The following AP3D1 variants were observed in gnomAD, a reference collection of about 807,000 sequenced individuals.
The protein encoded by AP3D1 is adaptor related protein complex 3 subunit delta 1.
AP3D1 carries 51 observed loss-of-function variants against 147.6 expected under a neutral mutation model. The observed-to-expected ratio is 0.35, with a 90% CI of 0.28 to 0.44. The LOEUF is 0.44. Among genes scored for constraint, AP3D1 ranks in the 20% least tolerant of loss-of-function variants. AP3D1 has a pLI of 1.00. For missense variants in AP3D1, 1,421 were observed against 1,624.2 expected, an observed-to-expected ratio of 0.87 and a Z score of 2.15; for synonymous variants, 760 against 663.0, an observed-to-expected ratio of 1.15 and a Z score of -2.25.
intron 1 of AP3D1, among the ~76,000 whole-genome samples, chr19:2,158,868 A>G (rs2019670877): frequency 6.6e-6 from 1 of 152,194 alleles, no homozygotes; most frequent in Non-Finnish European, 1.5e-5. Flanking sequence ...TTTCAAAGTT[A>G]AACTATAAAC....
chr19:2,118,574 G>T (rs777273893), intron 15 of AP3D1, 27 bp downstream of exon 15: 17 of 1,584,534 alleles, frequency 1.1e-5, no homozygotes, highest in Non-Finnish European at 1.5e-5. Context: ...CCTGAGGCTC[G>T]GCCCAACACG....
At chr19:2,149,502 C>T (rs2019448908) in intron 1 of AP3D1, among the ~76,000 whole-genome samples, 2 of 149,976 alleles carry the variant, frequency 1.3e-5, no homozygotes, top group South Asian at 2.1e-4. Context: ...AAGATCATGC[C>T]TCTGCACTCC....
At chr19:2,128,491 C>G (rs2018829745) in intron 8 of AP3D1, among the ~76,000 whole-genome samples, 1 of 132,264 alleles carries the variant, frequency 7.6e-6, no homozygotes, top group Admixed American at 7.3e-5. Context: ...GACACTGCAC[C>G]CCGTGGAGCC....
chr19:2,123,108 C>G (rs1005702807), intron 11 of AP3D1, among the ~76,000 whole-genome samples: 4 of 152,246 alleles, frequency 2.6e-5, no homozygotes, highest in African/African-American at 9.6e-5. Flanking sequence ...CTTTGCCATG[C>G]CCCCTGCATC....
At chr19:2,135,974 C>T (rs905425229) in intron 4 of AP3D1, among the ~76,000 whole-genome samples, 1 of 151,524 alleles carries the variant, frequency 6.6e-6, no homozygotes, top group Non-Finnish European at 1.5e-5. Context: ...TACACGGCCA[C>T]GACCCAAGGA....
In AP3D1 at chr19:2,129,466, C is replaced by T. The variant is rs371132524; in HGVS notation, c.593-9G>A. On this transcript the variant is annotated splice_polypyrimidine_tract_variant and intron_variant, in intron 6 of 31. Transcript: ENST00000643116. ...GGCAGCCGACTGAACCCCTGGGGAA[C>T]AAGGGGTTCTCATCAGCATGCCTGT... 3 of 1,612,456 alleles carry T rather than the reference C, an allele frequency of 1.9e-6. No individual in the cohort carries two copies. The highest frequency in any genetic ancestry group is 2.5e-6 in the Non-Finnish European group (3 of 1,178,984).
intron 1 of AP3D1, among the ~76,000 whole-genome samples, chr19:2,160,846 C>T (rs1028520166): frequency 1.3e-5 from 2 of 152,124 alleles, no homozygotes; most frequent in African/African-American, 2.4e-5. Context: ...TGGTAAGCAG[C>T]GTCCGTGGCC....
chr19:2,151,101 G>T, intron 1 of AP3D1, 138 bp downstream of exon 1: 1 of 770,316 alleles, frequency 1.3e-6, no homozygotes, highest in Non-Finnish European at 2.0e-6. Flanking sequence ...AGGCCAGGCA[G>T]GGCCGGAGCC....
chr19:2,116,781 G>A (rs1376142289), intron 16 of AP3D1, 35 bp from the exon 17 acceptor site: 3 of 1,572,458 alleles, frequency 1.9e-6, no homozygotes, highest in Non-Finnish European at 2.6e-6. Context: ...AAGGCAGTGT[G>A]TGACCGAGCA....
At chr19:2,142,755 G>GT (rs11311779) in intron 1 of AP3D1, among the ~76,000 whole-genome samples, 6,169 of 145,496 alleles carry the variant, frequency 0.042, 410 homozygotes, top group African/African-American at 0.14. Context: ...GGTTTTTTCT[G>GT]TTTTTTTTTT....
chr19:2,121,303 C>T lies in AP3D1; in HGVS notation c.1110G>A (p.Lys370=). 1 of 1,614,144 alleles carries T rather than the reference C, an allele frequency of 6.2e-7. No individual in the cohort carries two copies. The highest frequency in any genetic ancestry group is 8.5e-7 in the Non-Finnish European group (1 of 1,180,014). The change falls in exon 13 of 32, where the codon AAG becomes AAA. Residue 370 remains lysine (K), a synonymous_variant. Transcript: ENST00000643116. The part of the protein sequence containing the change: ...ALDLLYGMVS[K]KNLMEIVKKL... ...TCTTCACGATCTCCATCAGGTTCTT[C>T]TTGGACACCTGGGCAAAAGTGTACA...
chr19:2,144,628 C>T (rs944551353), intron 1 of AP3D1, among the ~76,000 whole-genome samples: 2 of 152,110 alleles, frequency 1.3e-5, no homozygotes, highest in Non-Finnish European at 2.9e-5. Context: ...TGAGTCAAGG[C>T]GGGGCACAAT....
chr19:2,154,854 G>T (rs1249563650), upstream of AP3D1, among the ~76,000 whole-genome samples: 1 of 152,228 alleles, frequency 6.6e-6, no homozygotes, highest in Non-Finnish European at 1.5e-5. Flanking sequence ...TTATGATTGT[G>T]AGTCATGTCT....
chr19:2,155,868 C>T (rs1030252626), upstream of AP3D1, among the ~76,000 whole-genome samples: 60 of 151,864 alleles, frequency 4.0e-4, no homozygotes, highest in African/African-American at 1.0e-3. Flanking sequence ...CTGGCTAACA[C>T]GGTGAAACAC....
At chr19:2,110,093 C>A (rs1459526039) in intron 28 of AP3D1, 43 bp downstream of exon 28, 1 of 1,600,388 alleles carries the variant, frequency 6.2e-7, no homozygotes, top group Non-Finnish European at 8.5e-7. Flanking sequence ...GGAGCCCCTG[C>A]CTGCAGAGTC....
At chr19:2,110,340 A>G (rs1475152246) in intron 27 of AP3D1, 116 bp from the exon 28 acceptor site, 3 of 890,424 alleles carry the variant, frequency 3.4e-6, no homozygotes, top group Admixed American at 2.0e-5. Context: ...AACTGAGCTC[A>G]GCCCCCAAGG....
intron 1 of AP3D1, among the ~76,000 whole-genome samples, chr19:2,144,628 CGGG>C (rs1599493405): frequency 6.6e-6 from 1 of 152,110 alleles, no homozygotes; most frequent in East Asian, 1.9e-4. Flanking sequence ...TGAGTCAAGG[CGGG>C]GCACAATGGC....
At position 2,130,516 on chromosome 19, in the gene AP3D1, T is replaced by C. The variant is rs2018909310; in HGVS notation, c.484A>G (p.Ile162Val). The C allele has an allele frequency of 2.5e-6, 4 of 1,614,048 alleles. No individual in the cohort carries two copies. The highest frequency in any genetic ancestry group is 3.3e-4 in the Middle Eastern group (2 of 6,062). Residue 162 changes from isoleucine to valine, a missense_variant, in exon 6 of 32, where the codon ATC becomes GTC. This residue lies in a region of AP3D1 where 292 missense variants were observed against 412.0 expected (regional missense o/e 0.71). Transcript: ENST00000643116. Reference sequence around the variant, plus strand: ...ATGATCAGCACAGCCTTCTTCCTGATGTAGGGCTTGGTGTGTGACATCTGC... The same window carrying C: ...ATGATCAGCACAGCCTTCTTCCTGACGTAGGGCTTGGTGTGTGACATCTGC... The part of the protein sequence containing the change: ...MTLMSHTKPY[I>V]RKKAVLIMYK...
At chr19:2,124,590 T>C (rs1256375105) in intron 9 of AP3D1, among the ~76,000 whole-genome samples, 2 of 152,188 alleles carry the variant, frequency 1.3e-5, no homozygotes, top group Non-Finnish European at 2.9e-5. Context: ...CGTGTGCATG[T>C]GTTTTCTTTT....
Sources: gnomAD v4.1 joint callset for allele counts (sites outside exome capture counted in the v4.1 genomes callset) on GRCh38, gnomAD v4.1.1 for gene constraint, gnomAD v4.1.1 regional missense constraint, MANE v1.5 for transcripts, NCBI Gene and HGNC (gene_info 2026-07-23, HGNC 2026-07-21) for gene names.